Variants in FAIM observed in about 807,000 individuals in gnomAD.
The protein encoded by FAIM is fas apoptotic inhibitory molecule 1.
A neutral mutation model predicts 21.2 loss-of-function variants in FAIM; 14 were observed. The observed-to-expected ratio is 0.66, with a 90% CI of 0.44 to 1.03. The LOEUF (loss-of-function observed/expected upper bound fraction) is 1.03, where lower values mean the gene tolerates loss of function less well. Ranked by LOEUF, FAIM falls within the 50% of genes least tolerant of loss-of-function variation. The probability of loss-of-function intolerance (pLI) is 0.00; values close to 1 mark genes in which losing one functional copy is unlikely to be tolerated. For synonymous variants in FAIM, 86 were observed against 80.4 expected, an observed-to-expected ratio of 1.07 and a Z score of -0.37; for missense variants, 222 against 247.1, an observed-to-expected ratio of 0.90 and a Z score of 0.68.
rs2042880191 is a variant in FAIM at position 138,621,135 on chromosome 3, A to G, written c.45-272A>G. On this transcript the variant is annotated intron_variant, in intron 2 of 5. Coordinates refer to ENST00000360570, the MANE Select transcript of FAIM (RefSeq NM_001033031.2). ...TAACCTAGAATACTGACCAGGATAA[A>G]CTGATGCATTCTTAATCCTATTAAT... The G allele has an allele frequency of 2.4e-5, 9 of 379,088 alleles. No homozygotes were observed. The South Asian group carries it at 2.6e-4, about 11-fold the overall frequency. The allele number at this position is 379,088 out of a possible 1,614,324, so 23.5% of individuals were successfully genotyped here. A position where few individuals can be genotyped will look rare whatever the true frequency, so the allele number is the denominator to read the frequency against.
chr3:138,609,222 C>T (rs922926308), intron 1 of FAIM: 23 of 151,762 alleles, frequency 1.5e-4, no homozygotes, highest in Admixed American at 5.9e-4. Context: ...CGCTCACCGC[C>T]GGCAAAGGTG....
intron 3 of FAIM, 43 bp downstream of exon 3, chr3:138,621,582 G>A: frequency 6.4e-7 from 1 of 1,564,412 alleles, no homozygotes; most frequent in Non-Finnish European, 8.7e-7. Flanking sequence ...GATATATAGA[G>A]AAACTTGATT....
intron 5 of FAIM, 97 bp from the exon 6 acceptor site, chr3:138,632,833 A>AT (rs2043019985): frequency 3.4e-6 from 4 of 1,186,656 alleles, no homozygotes; most frequent in Non-Finnish European, 4.6e-6. Context: ...CTAATACATT[A>AT]TTTTATTGCA....
rs374734014 is a variant in FAIM at position 138,622,482 on chromosome 3, CTG to C, written c.406+68_406+69del. ...TATAATGTCTGTTTAATTCCTGTAA[CTG>C]TATTCAGACCTTCTATGGAGGTTTG... On this transcript the variant is annotated intron_variant, in intron 4 of 5. Transcript: ENST00000360570. 7.8e-4 allele frequency: 803 copies of C among 1,036,110 alleles called. 5 individuals are homozygous for C. The African/African-American group carries it at 0.012, about 15-fold the overall frequency. The allele number at this position is 1,036,110 out of a possible 1,614,324, so 64.2% of individuals were successfully genotyped here.
At chr3:138,632,000 G>A (rs539407902) in intron 5 of FAIM, among the ~76,000 whole-genome samples, 25 of 152,060 alleles carry the variant, frequency 1.6e-4, no homozygotes, top group African/African-American at 5.3e-4. Flanking sequence ...TAATAGCCAG[G>A]GGGTTTAAGT....
chr3:138,609,322 A>C (rs1577001687), intron 1 of FAIM, among the ~76,000 whole-genome samples: 3 of 150,874 alleles, frequency 2.0e-5, no homozygotes, highest in Non-Finnish European at 3.0e-5. Context: ...GACCTGCCGC[A>C]CCCTCCTCCG....
Position 138,633,207 on chromosome 3 carries a change from T to A in FAIM, c.*128T>A. ...AATTTTTTAAAAAGTTACATGAAAC[T>A]AACATTCCAAGGGTCAGGAAAAAAA... On this transcript the variant is annotated 3_prime_UTR_variant, in exon 6 of 6. Transcript: ENST00000360570. The A allele has an allele frequency of 3.7e-6, 3 of 809,502 alleles. No homozygotes were observed. Among genetic ancestry groups the A allele is most frequent in the Non-Finnish European group, 5.3e-6 (3 of 567,546 alleles). The allele number at this position is 809,502 out of a possible 1,614,324, so 50.1% of individuals were successfully genotyped here.
intron 4 of FAIM, among the ~76,000 whole-genome samples, chr3:138,622,701 G>A (rs1368226733): frequency 6.6e-6 from 1 of 151,960 alleles, no homozygotes; most frequent in Non-Finnish European, 1.5e-5. Context: ...CTTAAGCCAG[G>A]TTTTATAGTG....
intron 1 of FAIM, among the ~76,000 whole-genome samples, chr3:138,617,561 CTA>C (rs1410772458): frequency 2.0e-5 from 3 of 146,628 alleles, no homozygotes; most frequent in African/African-American, 7.4e-5. Flanking sequence ...ATCTGTCTAT[CTA>C]TATCTGTCAC....
At chr3:138,629,556 T>G (rs2042981056) in intron 5 of FAIM, 1 of 156,720 alleles carries the variant, frequency 6.4e-6, no homozygotes, top group Non-Finnish European at 1.4e-5. Flanking sequence ...GCCTGGAATC[T>G]TGTTAAAATG....
At chr3:138,621,886 T>G (rs1673612) in intron 3 of FAIM, among the ~76,000 whole-genome samples, 91,820 of 152,004 alleles carry the variant, frequency 0.6, 28,438 homozygotes, top group East Asian at 0.98. Flanking sequence ...GTGTTTAAGC[T>G]ATTCTCCTGC....
intron 5 of FAIM, among the ~76,000 whole-genome samples, 156 bp from the exon 6 acceptor site, chr3:138,632,774 G>GCAT (rs1466574216): frequency 1.3e-5 from 2 of 152,202 alleles, no homozygotes; most frequent in African/African-American, 4.8e-5. Context: ...AAATGTAAAA[G>GCAT]CATCTAAGTA....
chr3:138,615,418 A>C (rs781477610), intron 1 of FAIM, among the ~76,000 whole-genome samples: 17 of 152,210 alleles, frequency 1.1e-4, no homozygotes, highest in South Asian at 6.2e-4. Context: ...CTTTGTATAG[A>C]CCATCCAGAG....
At chr3:138,620,795 C>T (rs2042876393) in intron 2 of FAIM, among the ~76,000 whole-genome samples, 1 of 152,090 alleles carries the variant, frequency 6.6e-6, no homozygotes, top group African/African-American at 2.4e-5. Flanking sequence ...AGCCCAAAGT[C>T]CTTTATTTTT....
chr3:138,611,502 A>G (rs1023408643), intron 1 of FAIM, among the ~76,000 whole-genome samples: 3 of 152,202 alleles, frequency 2.0e-5, no homozygotes, highest in African/African-American at 7.2e-5. Context: ...AAACTTTTCA[A>G]TACCTTAAAC....
intron 1 of FAIM, among the ~76,000 whole-genome samples, chr3:138,611,710 A>G (rs900177985): frequency 6.6e-6 from 1 of 152,118 alleles, no homozygotes; most frequent in Non-Finnish European, 1.5e-5. Context: ...TTTTTGCTCT[A>G]TCAGTTCTCA....
intron 5 of FAIM, among the ~76,000 whole-genome samples, chr3:138,631,437 T>C (rs868455008): frequency 6.6e-6 from 1 of 152,164 alleles, no homozygotes. Context: ...AGGAATGTTG[T>C]TGTGGTTGTA....
chr3:138,615,014 G>C (rs2042812195), intron 1 of FAIM, among the ~76,000 whole-genome samples: 1 of 152,162 alleles, frequency 6.6e-6, no homozygotes, highest in Non-Finnish European at 1.5e-5. Flanking sequence ...CCCATTGCAA[G>C]TTGAAAATAT....
At chr3:138,630,385 G>T (rs1005323580) in intron 5 of FAIM, 1 of 152,192 alleles carries the variant, frequency 6.6e-6, no homozygotes, top group Non-Finnish European at 1.5e-5. Flanking sequence ...TTGGGAGGCT[G>T]ACGTGAGAGG....
Sources: gnomAD v4.1 joint callset for allele counts (sites outside exome capture counted in the v4.1 genomes callset) on GRCh38, gnomAD v4.1.1 for gene constraint, MANE v1.5 for transcripts, NCBI Gene and HGNC (gene_info 2026-07-23, HGNC 2026-07-21) for gene names.